Variants in NREP observed in about 807,000 individuals in gnomAD.
The protein encoded by NREP is neuronal regeneration related protein, also known as neuronal regeneration-related protein.
Under a neutral mutation model 8.6 loss-of-function variants are expected in NREP, and 5 were observed. The observed-to-expected ratio is 0.58, with a 90% CI of 0.30 to 1.22. The LOEUF (loss-of-function observed/expected upper bound fraction) is 1.22. NREP is among the 50% of genes most tolerant of loss of function. NREP has a pLI of 0.07. For missense variants in NREP, 86 were observed against 82.5 expected (o/e 1.04, Z -0.17); for synonymous variants, 27 against 28.0 (o/e 0.96, Z 0.11).
chr5:111,868,558 G>A (rs554265305), intron 2 of NREP, among the ~76,000 whole-genome samples: 2 of 152,320 alleles, frequency 1.3e-5, no homozygotes, highest in East Asian at 3.9e-4. Flanking sequence ...AAAATACTGT[G>A]TTAAGTGGCA....
Position 111,777,773 on chromosome 5 carries a change from C to A in NREP, c.136-42266G>T, listed in dbSNP as rs1045810258. ...CTAGAAATTATAGGTGTGGAGAAAA[C>A]AAGGGAAATGTATCACAGTTATACT... is the stretch of plus-strand genomic sequence containing the variant. On this transcript the variant is annotated intron_variant, in intron 2 of 3. Coordinates refer to the NREP transcript ENST00000395634. 2.0e-5 allele frequency among the ~76,000 whole-genome samples: 3 copies of A among 152,106 alleles called. No individual in the cohort carries two copies. In the East Asian group the frequency reaches 5.8e-4, roughly 29 times the overall value.
At chr5:111,926,950 GT>G (rs1358207840) in intron 2 of NREP, among the ~76,000 whole-genome samples, 1 of 151,678 alleles carries the variant, frequency 6.6e-6, no homozygotes, top group Non-Finnish European at 1.5e-5. Context: ...ACGTTCACCT[GT>G]GTGAGACCCT....
chr5:111,871,317 A>G (rs1158919605), intron 2 of NREP, among the ~76,000 whole-genome samples: 2 of 152,172 alleles, frequency 1.3e-5, no homozygotes, highest in South Asian at 2.1e-4. Context: ...ATGTCTAAAC[A>G]TAGAAGAGGT....
At chr5:111,736,964 A>C (rs980337916) in intron 2 of NREP, among the ~76,000 whole-genome samples, 2 of 151,484 alleles carry the variant, frequency 1.3e-5, no homozygotes, top group Non-Finnish European at 2.9e-5. Flanking sequence ...GCCTACCACC[A>C]CTCCCTCAAA....
At chr5:111,804,139 G>A (rs1752081446) in intron 2 of NREP, among the ~76,000 whole-genome samples, 1 of 152,100 alleles carries the variant, frequency 6.6e-6, no homozygotes, top group Admixed American at 6.5e-5. Context: ...CATTAGAAAT[G>A]TAAAAAAGCC....
chr5:111,917,798 C>T (rs888037000), intron 2 of NREP, among the ~76,000 whole-genome samples: 5 of 152,136 alleles, frequency 3.3e-5, no homozygotes, highest in Non-Finnish European at 7.3e-5. Context: ...AAAACCGGCA[C>T]AAGACAGGGA....
chr5:111,769,842 C>G (rs926222630), intron 2 of NREP, among the ~76,000 whole-genome samples: 3 of 152,158 alleles, frequency 2.0e-5, no homozygotes, highest in African/African-American at 7.2e-5. Flanking sequence ...CTTCCATGAT[C>G]CCATCACCTC....
chr5:111,845,239 G>A (rs144911837), intron 2 of NREP, among the ~76,000 whole-genome samples: 20 of 151,146 alleles, frequency 1.3e-4, no homozygotes, highest in Admixed American at 5.3e-4. Context: ...AATAACAAAC[G>A]TAATGTGAAA....
intron 2 of NREP, among the ~76,000 whole-genome samples, chr5:111,854,710 A>G (rs1313473691): frequency 6.6e-6 from 1 of 152,182 alleles, no homozygotes; most frequent in East Asian, 1.9e-4. Context: ...TAAGTGAAAC[A>G]TGAAAATGAA....
chr5:111,749,693 A>G (rs1395693672), intron 2 of NREP, among the ~76,000 whole-genome samples: 2 of 152,170 alleles, frequency 1.3e-5, no homozygotes, highest in Non-Finnish European at 2.9e-5. Context: ...AGTCAGCCTC[A>G]CAGGAGGGAA....
At chr5:111,769,385 G>C (rs983214121) in intron 2 of NREP, among the ~76,000 whole-genome samples, 1 of 152,190 alleles carries the variant, frequency 6.6e-6, no homozygotes, top group Admixed American at 6.5e-5. Context: ...TATAAGCAGG[G>C]CATTTTCAGA....
intron 2 of NREP, among the ~76,000 whole-genome samples, chr5:111,869,675 G>A (rs1753744392): frequency 6.6e-6 from 1 of 152,196 alleles, no homozygotes; most frequent in Non-Finnish European, 1.5e-5. Context: ...TTCTCCTGAG[G>A]AGAAGCAATG....
chr5:111,964,566 G>A (rs891721923), intron 2 of NREP, among the ~76,000 whole-genome samples: 2 of 151,864 alleles, frequency 1.3e-5, no homozygotes, highest in African/African-American at 4.8e-5. Flanking sequence ...GGTGGGGTTT[G>A]CCCATGTTGG....
chr5:111,864,295 G>A (rs1753617110), intron 2 of NREP, among the ~76,000 whole-genome samples: 1 of 152,100 alleles, frequency 6.6e-6, no homozygotes, highest in Non-Finnish European at 1.5e-5. Context: ...TACTTTTAAT[G>A]TAATGTTGTG....
chr5:111,873,481 T>C (rs567311191), intron 2 of NREP, among the ~76,000 whole-genome samples: 2 of 152,326 alleles, frequency 1.3e-5, no homozygotes, highest in South Asian at 4.2e-4. Flanking sequence ...ATTTCATTTG[T>C]AGGGGACAGA....
intron 2 of NREP, chr5:111,974,458 G>C (rs1581265446): frequency 6.6e-6 from 1 of 152,130 alleles, no homozygotes; most frequent in Non-Finnish European, 1.5e-5. Context: ...GAAGACGACT[G>C]GGCCAGGAGC....
intron 2 of NREP, among the ~76,000 whole-genome samples, chr5:111,775,004 A>G (rs1751323162): frequency 6.6e-6 from 1 of 152,192 alleles, no homozygotes; most frequent in African/African-American, 2.4e-5. Context: ...TGCTCTTATG[A>G]TGTGAGGAGA....
At chr5:111,755,682 T>C in intron 2 of NREP, 88 bp downstream of exon 2, 1 of 1,427,946 alleles carries the variant, frequency 7.0e-7, no homozygotes, top group South Asian at 1.1e-5. Context: ...CAATGAAGGG[T>C]TGAGGCGGAT....
chr5:111,883,653 C>G (rs1394746658), intron 2 of NREP, among the ~76,000 whole-genome samples: 1 of 152,168 alleles, frequency 6.6e-6, no homozygotes, highest in Non-Finnish European at 1.5e-5. Flanking sequence ...CAAACTAGAA[C>G]TCAGGATTAA....
Sources: gnomAD v4.1 joint callset for allele counts (sites outside exome capture counted in the v4.1 genomes callset) on GRCh38, gnomAD v4.1.1 for gene constraint, MANE v1.5 for transcripts, NCBI Gene and HGNC (gene_info 2026-07-23, HGNC 2026-07-21) for gene names.